Variants in SULT1A1 observed in about 807,000 individuals in gnomAD.
SULT1A1 encodes the protein sulfotransferase family 1A member 1, also known as sulfotransferase 1A1.
In SULT1A1, 35 loss-of-function variants were observed where a neutral mutation model predicts 36.8. The ratio of observed to expected loss-of-function variants is 0.95; its 90% CI spans 0.73 to 1.26. The LOEUF (loss-of-function observed/expected upper bound fraction) is 1.26, where lower values mean the gene tolerates loss of function less well. Among genes scored for constraint, SULT1A1 ranks in the 50% most tolerant of loss-of-function variants. The pLI, the probability that SULT1A1 is intolerant of heterozygous loss-of-function variation, is 0.00. For missense variants in SULT1A1, 309 were observed against 383.0 expected, an observed-to-expected ratio of 0.81 and a Z score of 1.61; for synonymous variants, 119 against 146.0, an observed-to-expected ratio of 0.82 and a Z score of 1.33.
At chr16:28,610,178 C>T (rs1305587714), upstream of SULT1A1, 1 of 1,284,954 alleles carries the variant, frequency 7.8e-7, no homozygotes, top group East Asian at 5.6e-5. Flanking sequence ...TCTCCAAAGC[C>T]ACGACTGAGT....
intron 1 of SULT1A1, among the ~76,000 whole-genome samples, chr16:28,620,839 G>T (rs1333567847): frequency 6.6e-6 from 1 of 151,944 alleles, no homozygotes; most frequent in Non-Finnish European, 1.5e-5. Flanking sequence ...GGCTGGGCAC[G>T]GTGGCTCATG....
rs573667379 is a variant in SULT1A1 at position 28,608,954 on chromosome 16, G to A, written c.-4-95C>T. 2.5e-6 allele frequency: 4 copies of A among 1,606,224 alleles called. No homozygotes were observed. In the African/African-American group the frequency reaches 4.0e-5, roughly 16 times the overall value. On this transcript the variant is annotated intron_variant, in intron 1 of 7. Transcript: ENST00000314752. ...CTTTCAGGGAAGTCACTGAGGCCTAGGGAGGCTGAGTGACTTGCCCGCACT... is the reference window on the plus strand; with the variant it reads ...CTTTCAGGGAAGTCACTGAGGCCTAAGGAGGCTGAGTGACTTGCCCGCACT...
chr16:28,608,052 T>C, intron 4 of SULT1A1: 1 of 533,746 alleles, frequency 1.9e-6, no homozygotes, highest in Non-Finnish European at 3.3e-6. Context: ...AATGGTGGGA[T>C]CTCTGGCTCA....
At chr16:28,608,068 A>G (rs1311337896) in intron 4 of SULT1A1, 4 of 624,410 alleles carry the variant, frequency 6.4e-6, no homozygotes, top group Non-Finnish European at 1.1e-5. Context: ...GCTCACCACA[A>G]CCTCCTTCTC....
chr16:28,609,677 G>C (rs1309836840), intron 1 of SULT1A1: 5 of 401,202 alleles, frequency 1.2e-5, no homozygotes, highest in African/African-American at 1.0e-4. Flanking sequence ...AGAATCACTT[G>C]AGCCCAGGAA....
intron 1 of SULT1A1, among the ~76,000 whole-genome samples, chr16:28,621,396 C>T (rs1465814324): frequency 4.3e-5 from 6 of 139,350 alleles, no homozygotes; most frequent in African/African-American, 1.3e-4. Flanking sequence ...GCAGGAGGAT[C>T]GCTTGAACCT....
At chr16:28,616,231 G>A (rs758370863) in intron 2 of SULT1A1, among the ~76,000 whole-genome samples, 5 of 152,164 alleles carry the variant, frequency 3.3e-5, no homozygotes, top group Non-Finnish European at 7.3e-5. Flanking sequence ...AATATTGGAA[G>A]AAAAAGTAAT....
intron 1 of SULT1A1, chr16:28,620,255 C>T: frequency 2.2e-6 from 2 of 926,744 alleles, no homozygotes; most frequent in Non-Finnish European, 1.6e-6. Flanking sequence ...CAATATGACC[C>T]TCTGATCCTA....
Position 28,608,549 on chromosome 16 carries a change from T to G in SULT1A1, c.203A>C (p.Glu68Ala). Residue 68 changes from glutamate to alanine, a missense_variant, in exon 3 of 8, where the codon GAG becomes GCG. Transcript: ENST00000314752. ...LDMIYQGGDL[E>A]KCHRAPIFMR... is the part of the protein sequence containing the mutation. ...GAAGATGGGAGCTCGGTGACACTTC[T>G]CCAGGTCACCACCCTGGTAGATCAT... 1.2e-6 allele frequency: 2 copies of G among 1,612,436 alleles called. No homozygotes were observed. The highest frequency in any genetic ancestry group is 8.5e-7 in the Non-Finnish European group (1 of 1,178,670).
intron 1 of SULT1A1, chr16:28,620,209 A>T (rs62031607): frequency 0.34 from 480,676 of 1,402,354 alleles, 87,422 homozygotes; most frequent in Admixed American, 0.38. Flanking sequence ...TAAGTTTACC[A>T]TTCCAAAATG....
intron 2 of SULT1A1, among the ~76,000 whole-genome samples, chr16:28,616,746 C>G (rs888782734): frequency 8.5e-5 from 13 of 152,152 alleles, no homozygotes; most frequent in Admixed American, 2.6e-4. Flanking sequence ...CTTATGTGAA[C>G]TTGGCTACAA....
At chr16:28,609,343 C>G in intron 1 of SULT1A1, 2 of 1,290,372 alleles carry the variant, frequency 1.5e-6, no homozygotes, top group South Asian at 2.5e-5. Context: ...CCAGGCCAGC[C>G]AGGCCTGTGA....
At chr16:28,617,448 A>C (rs1250422426) in intron 2 of SULT1A1, among the ~76,000 whole-genome samples, 1 of 152,192 alleles carries the variant, frequency 6.6e-6, no homozygotes, top group Non-Finnish European at 1.5e-5. Flanking sequence ...CTAGACTCTA[A>C]GTCCCTTTAG....
chr16:28,616,319 A>G (rs2047546067), intron 2 of SULT1A1, among the ~76,000 whole-genome samples: 1 of 152,208 alleles, frequency 6.6e-6, no homozygotes, highest in African/African-American at 2.4e-5. Flanking sequence ...TTCTTGTTTT[A>G]TATTTTATTA....
chr16:28,610,262 C>CTTTTT, upstream of SULT1A1: 21 of 239,554 alleles, frequency 8.8e-5, no homozygotes, highest in East Asian at 1.9e-4. Context: ...TTTTTTTTTT[C>CTTTTT]TGTTTTTTTT....
At chr16:28,607,626 A>ATTTT (rs1164558766) in intron 4 of SULT1A1, 1 of 37,808 alleles carries the variant, frequency 2.6e-5, no homozygotes. Flanking sequence ...ATTTTATTTT[A>ATTTT]TTTATTTATT....
intron 1 of SULT1A1, among the ~76,000 whole-genome samples, chr16:28,622,943 C>T (rs1016943033): frequency 1.3e-5 from 2 of 152,188 alleles, no homozygotes; most frequent in Non-Finnish European, 2.9e-5. Flanking sequence ...CGCAATCAAA[C>T]ACCCCAGCCT....
intron 1 of SULT1A1, chr16:28,623,115 C>CA: frequency 1.3e-6 from 2 of 1,524,018 alleles, no homozygotes; most frequent in Non-Finnish European, 1.8e-6. Flanking sequence ...CCCAGGTTCC[C>CA]CCCCCGGCCC....
intron 5 of SULT1A1, 28 bp from the exon 6 acceptor site, chr16:28,606,883 A>G: frequency 1.2e-6 from 2 of 1,612,436 alleles, no homozygotes; most frequent in Non-Finnish European, 1.7e-6. Flanking sequence ...GGGTGCCAAC[A>G]CAGGGTTGCT....
Sources: gnomAD v4.1 joint callset for allele counts (sites outside exome capture counted in the v4.1 genomes callset) on GRCh38, gnomAD v4.1.1 for gene constraint, MANE v1.5 for transcripts, NCBI Gene and HGNC (gene_info 2026-07-23, HGNC 2026-07-21) for gene names.